The following MAN1A1 variants were observed in gnomAD, a reference collection of about 807,000 sequenced individuals.
MAN1A1 encodes the protein mannosyl-oligosaccharide 1,2-alpha-mannosidase IA.
MAN1A1 carries 29 observed loss-of-function variants against 70.8 expected under a neutral mutation model. The ratio of observed to expected loss-of-function variants is 0.41; its 90% CI spans 0.31 to 0.56. The LOEUF (loss-of-function observed/expected upper bound fraction) is 0.56, where lower values mean the gene tolerates loss of function less well. Ranked by LOEUF, MAN1A1 falls within the 20% of genes least tolerant of loss-of-function variation. The probability of loss-of-function intolerance (pLI) is 0.29; values close to 1 mark genes in which losing one functional copy is unlikely to be tolerated. For synonymous variants in MAN1A1, 349 were observed against 330.1 expected (o/e 1.06, Z -0.62); for missense variants, 747 against 841.3 (o/e 0.89, Z 1.39).
chr6:119,350,406 G>A, upstream of MAN1A1: 1 of 323,562 alleles, frequency 3.1e-6, no homozygotes, highest in Non-Finnish European at 4.4e-6. Context: ...CATCCTAAGA[G>A]ACACAGTTCT....
chr6:119,242,599 T>C (rs1294968978), intron 6 of MAN1A1, among the ~76,000 whole-genome samples: 3 of 152,198 alleles, frequency 2.0e-5, no homozygotes, highest in African/African-American at 4.8e-5. Context: ...ATATACTCTT[T>C]CATAATGAAA....
chr6:119,285,310 C>T (rs1015683617), intron 5 of MAN1A1, among the ~76,000 whole-genome samples: 4 of 151,962 alleles, frequency 2.6e-5, no homozygotes, highest in African/African-American at 9.7e-5. Context: ...CTTGCTGTAA[C>T]TAATAGAGTG....
intron 2 of MAN1A1, among the ~76,000 whole-genome samples, chr6:119,324,704 A>G (rs1347282679): frequency 2.0e-5 from 3 of 152,210 alleles, no homozygotes; most frequent in Admixed American, 6.5e-5. Context: ...TCAGAGCCCT[A>G]TGGCTCTCAG....
chr6:119,188,375 C>G, intron 11 of MAN1A1, 30 bp downstream of exon 11: 1 of 1,552,188 alleles, frequency 6.4e-7, no homozygotes. Flanking sequence ...TGAAATTTAT[C>G]TATAAGAAAC....
intron 11 of MAN1A1, among the ~76,000 whole-genome samples, chr6:119,185,494 GA>G (rs1773261816): frequency 6.6e-6 from 1 of 152,188 alleles, no homozygotes; most frequent in African/African-American, 2.4e-5. Flanking sequence ...AAGTATGGGT[GA>G]AAAAGCACAG....
intron 8 of MAN1A1, among the ~76,000 whole-genome samples, chr6:119,194,775 C>A (rs1345308686): frequency 7.8e-6 from 1 of 128,800 alleles, no homozygotes; most frequent in Non-Finnish European, 1.7e-5. Flanking sequence ...ATTTATCATG[C>A]CAGATCCACT....
intron 2 of MAN1A1, among the ~76,000 whole-genome samples, chr6:119,316,922 T>A (rs553060187): frequency 3.3e-5 from 5 of 151,346 alleles, no homozygotes; most frequent in Non-Finnish European, 7.4e-5. Context: ...AGTTACCTTT[T>A]TAAATTACAT....
chr6:119,276,659 T>C (rs1032526122), intron 5 of MAN1A1, among the ~76,000 whole-genome samples: 7 of 152,218 alleles, frequency 4.6e-5, no homozygotes, highest in African/African-American at 1.7e-4. Context: ...TACCTGACTA[T>C]AGTAACCACA....
At chr6:119,332,068 T>TA in intron 2 of MAN1A1, 1 of 422,472 alleles carries the variant, frequency 2.4e-6, no homozygotes, top group Non-Finnish European at 4.7e-6. Flanking sequence ...AAATACTTGT[T>TA]GTTCTGAGAA....
rs1359556685 is a variant in MAN1A1 at position 119,331,597 on chromosome 6, AT to A, written c.603+16865del. Among the ~76,000 whole-genome samples the A allele has an allele frequency of 7.5e-5, 11 of 146,454 alleles. 1 individual carries two copies. Among genetic ancestry groups the A allele is most frequent in the South Asian group, 2.1e-4 (1 of 4,730 alleles). On this transcript the variant is annotated intron_variant, in intron 2 of 12. Coordinates refer to ENST00000368468, the MANE Select transcript of MAN1A1 (RefSeq NM_005907.4). ...TATATATATATATATATATATATAT[AT>A]AATCAAGGGGATATAAACATACATG... is the stretch of plus-strand genomic sequence containing the variant.
intron 2 of MAN1A1, among the ~76,000 whole-genome samples, chr6:119,341,191 C>A (rs538941386): frequency 6.6e-6 from 1 of 151,954 alleles, no homozygotes; most frequent in African/African-American, 2.4e-5. Flanking sequence ...AAGTCTTTAT[C>A]AAAACTCAGT....
At chr6:119,185,555 C>T (rs114720818) in intron 11 of MAN1A1, among the ~76,000 whole-genome samples, 139 of 151,822 alleles carry the variant, frequency 9.2e-4, no homozygotes, top group African/African-American at 3.3e-3. Context: ...CTAACACTGA[C>T]CATAATTTCA....
chr6:119,238,122 C>A (rs747277378), intron 6 of MAN1A1, among the ~76,000 whole-genome samples: 4 of 152,090 alleles, frequency 2.6e-5, no homozygotes, highest in Non-Finnish European at 4.4e-5. Flanking sequence ...ATAATTGATT[C>A]ATTTTTCAAT....
chr6:119,273,805 G>GA (rs1437655740), intron 5 of MAN1A1, among the ~76,000 whole-genome samples: 2 of 151,952 alleles, frequency 1.3e-5, no homozygotes, highest in Non-Finnish European at 2.9e-5. Flanking sequence ...AATTTGATAG[G>GA]AAAAAAAGGT....
chr6:119,207,540 C>G (rs1773903453), intron 6 of MAN1A1, among the ~76,000 whole-genome samples: 1 of 152,206 alleles, frequency 6.6e-6, no homozygotes, highest in Admixed American at 6.5e-5. Context: ...CATGCCGCCA[C>G]AGCTGAAATG....
rs908968621 is a variant in MAN1A1, at chr6:119,177,846, T to C, written c.*1973A>G. 2.0e-5 allele frequency: 3 copies of C among 152,126 alleles called. No homozygotes were observed. The highest frequency in any genetic ancestry group is 7.2e-5 in the African/African-American group (3 of 41,454). 9.4% of individuals were successfully genotyped at this position (152,126 alleles called of 1,614,324 possible). On this transcript the variant is annotated 3_prime_UTR_variant, in exon 13 of 13. Transcript: ENST00000368468. ...TTTAATATTCTATCTGCTGCAGAAA[T>C]ACTTATCAGCTTTCAAATCAAAGTG...
intron 4 of MAN1A1, among the ~76,000 whole-genome samples, chr6:119,295,108 A>C (rs1772169788): frequency 6.6e-6 from 1 of 152,138 alleles, no homozygotes; most frequent in East Asian, 1.9e-4. Context: ...TCTGCAAAGA[A>C]AGGCTTTTTC....
intron 10 of MAN1A1, 128 bp from the exon 11 acceptor site, chr6:119,188,705 G>A (rs2142888): frequency 0.8 from 631,848 of 792,694 alleles, 256,981 homozygotes; most frequent in Non-Finnish European, 0.83. Context: ...AGGACCCTCC[G>A]AGGATAACAA....
At chr6:119,229,762 A>T (rs1179391512) in intron 6 of MAN1A1, among the ~76,000 whole-genome samples, 2 of 152,234 alleles carry the variant, frequency 1.3e-5, no homozygotes, top group Non-Finnish European at 2.9e-5. Flanking sequence ...TAAAGAAAAC[A>T]AACAGATAAA....
Sources: gnomAD v4.1 joint callset for allele counts (sites outside exome capture counted in the v4.1 genomes callset) on GRCh38, gnomAD v4.1.1 for gene constraint, MANE v1.5 for transcripts, NCBI Gene and HGNC (gene_info 2026-07-23, HGNC 2026-07-21) for gene names.